The following CAD variants were observed in gnomAD, a reference collection of about 807,000 sequenced individuals.
The protein encoded by CAD is multifunctional protein CAD.
In CAD, 81 loss-of-function variants were observed where a neutral mutation model predicts 237.2. The observed-to-expected ratio is 0.34, with a 90% CI of 0.29 to 0.41. CAD has a LOEUF of 0.41. CAD is among the 10% of genes least tolerant of loss of function. CAD has a pLI of 1.00. For synonymous variants in CAD, 1,196 were observed against 1,162.8 expected (o/e 1.03, Z -0.58); for missense variants, 2,181 against 2,951.7 (o/e 0.74, Z 6.05).
Position 27,234,200 on chromosome 2 carries a change from C to A in CAD, c.3592C>A (p.Pro1198Thr). Reference sequence around the variant, plus strand: ...GGGCCAGGAGCTACAGGTCACAGGACCCTTCAATCTGCAGCTCATTGCCAA... The same window carrying A: ...GGGCCAGGAGCTACAGGTCACAGGAACCTTCAATCTGCAGCTCATTGCCAA... ...AVGQELQVTG[P>T]FNLQLIAKDD... The change falls in exon 22 of 44, where the codon CCC (proline) becomes ACC (threonine). Residue 1198 changes from proline to threonine, a missense_variant. Physicochemically the swap from Pro to Thr is conservative, Grantham distance 38. Transcript: ENST00000264705. The A allele has an allele frequency of 6.2e-7, 1 of 1,614,154 alleles. No individual in the cohort carries two copies. The highest frequency in any genetic ancestry group is 8.5e-7 in the Non-Finnish European group (1 of 1,179,974).
chr2:27,232,511 T>C lies in CAD; in HGVS notation c.2709T>C (p.Ile903=), dbSNP rs1324336515. The change falls in exon 18 of 44, where the codon ATT becomes ATC. Residue 903 remains isoleucine, a synonymous_variant. Transcript: ENST00000264705. The surrounding 1 kb of genome is among the most constrained non-coding windows in gnomAD (Gnocchi z 4.1). The stretch of plus-strand genomic sequence containing the variant: ...GGATCTGTCCAGCAGTGAAACAGAT[T>C]GACACAGTTGCAGCTGAGTGGCCAG... The part of the protein sequence containing the change: ...ELGICPAVKQ[I]DTVAAEWPAQ... 6.2e-7 allele frequency: 1 copy of C among 1,614,098 alleles called. No homozygotes were observed. Among genetic ancestry groups the C allele is most frequent in the African/African-American group, 1.3e-5 (1 of 74,938 alleles).
chr2:27,217,696 C>A, intron 1 of CAD, 63 bp downstream of exon 1: 3 of 1,461,774 alleles, frequency 2.1e-6, no homozygotes, highest in South Asian at 1.3e-5. Flanking sequence ...TCCTCCCAAC[C>A]TTCCCCGTCC....
chr2:27,238,360 G>A, intron 30 of CAD, 71 bp from the exon 31 acceptor site: 3 of 1,475,442 alleles, frequency 2.0e-6, no homozygotes, highest in Non-Finnish European at 2.8e-6. Context: ...CAGGGATGTT[G>A]GCCATTGGGA....
intron 15 of CAD, among the ~76,000 whole-genome samples, chr2:27,228,324 A>G (rs911548852): frequency 2.0e-5 from 3 of 152,260 alleles, no homozygotes; most frequent in East Asian, 1.9e-4. Flanking sequence ...ATTATGAAGC[A>G]CAGACTTCTA....
Position 27,235,142 on chromosome 2 carries a change from C to T in CAD, c.3787-103C>T. On this transcript the variant is annotated intron_variant, in intron 23 of 43. Coordinates refer to ENST00000264705, the MANE Select transcript of CAD (RefSeq NM_004341.5). The surrounding 1 kb of genome is among the most constrained non-coding windows in gnomAD (Gnocchi z 5.2). Reference sequence around the variant, plus strand: ...ACACAGAGAGGGCAGGCTGACCCTGCCATTCAGATGGGATCAAGCACAGGG... The same window carrying T: ...ACACAGAGAGGGCAGGCTGACCCTGTCATTCAGATGGGATCAAGCACAGGG... 1 of 1,080,228 alleles carries T rather than the reference C, an allele frequency of 9.3e-7. No individual in the cohort carries two copies. 66.9% of individuals were successfully genotyped at this position (1,080,228 alleles called of 1,614,324 possible). A position where few individuals can be genotyped will look rare whatever the true frequency, so the allele number is the denominator to read the frequency against.
chr2:27,224,281 A>G (rs1224438705), intron 8 of CAD, 64 bp from the exon 9 acceptor site: 1 of 1,569,380 alleles, frequency 6.4e-7, no homozygotes, highest in Non-Finnish European at 8.8e-7. Context: ...CGAGGGAGCT[A>G]ATCCAGTTGA....
rs1676255178 is a variant in CAD, at chr2:27,240,374, T to C, written c.5593+13T>C. 1.2e-6 allele frequency: 2 copies of C among 1,611,172 alleles called. No individual in the cohort carries two copies. ...CCAGGTTTGCCAGGTAAGAGTGGGGTTCCTGTGACTCAGAGACTGTGTAGG... is the reference window on the plus strand; with the variant it reads ...CCAGGTTTGCCAGGTAAGAGTGGGGCTCCTGTGACTCAGAGACTGTGTAGG... On this transcript the variant is annotated intron_variant, in intron 35 of 43. Transcript: ENST00000264705. This position sits in a 1 kb window ranked among gnomAD's most constrained non-coding sequence, Gnocchi z 4.6.
chr2:27,236,598 G>A lies in CAD; in HGVS notation c.4314+75G>A. 1 of 1,585,756 alleles carries A rather than the reference G, an allele frequency of 6.3e-7. No individual in the cohort carries two copies. The highest frequency in any genetic ancestry group is 8.6e-7 in the Non-Finnish European group (1 of 1,161,458). ...GAAGAAAGAGGGAGGAGTGAGTATG[G>A]AACAGCCATGCTAGTAATAAAGCTT... On this transcript the variant is annotated intron_variant, in intron 26 of 43. Coordinates refer to ENST00000264705, the MANE Select transcript of CAD (RefSeq NM_004341.5). This position sits in a 1 kb window ranked among gnomAD's most constrained non-coding sequence, Gnocchi z 4.1.
Position 27,242,202 on chromosome 2 carries a change from T to C in CAD, c.6096+79T>C, listed in dbSNP as rs866552228. The C allele has an allele frequency of 1.9e-6, 3 of 1,587,046 alleles. No individual in the cohort carries two copies. In the Middle Eastern group the frequency reaches 5.7e-4, roughly 302 times the overall value. ...TGAGAACCCTTCTGCCCACGTTTTC[T>C]GTGTTTTGGGCCAGATGAGTGAGGG... On this transcript the variant is annotated intron_variant, in intron 39 of 43. Coordinates refer to ENST00000264705, the MANE Select transcript of CAD (RefSeq NM_004341.5). This position sits in a 1 kb window ranked among gnomAD's most constrained non-coding sequence, Gnocchi z 6.4.
At chr2:27,231,219 G>A (rs1163575970) in intron 15 of CAD, among the ~76,000 whole-genome samples, 1 of 152,174 alleles carries the variant, frequency 6.6e-6, no homozygotes, top group Non-Finnish European at 1.5e-5. Flanking sequence ...TGTTAGCCAG[G>A]ATGGTCTCGA....
intron 6 of CAD, among the ~76,000 whole-genome samples, chr2:27,223,299 C>T (rs892590434): frequency 2.0e-5 from 3 of 152,090 alleles, no homozygotes; most frequent in African/African-American, 4.8e-5. Flanking sequence ...GCCATGGTGG[C>T]GTGCGCCTGT....
chr2:27,232,007 A>G lies in CAD; in HGVS notation c.2428A>G (p.Ile810Val). The G allele has an allele frequency of 6.2e-7, 1 of 1,614,140 alleles. No homozygotes were observed. Among genetic ancestry groups the G allele is most frequent in the African/African-American group, 1.3e-5 (1 of 75,014 alleles). The change falls in exon 17 of 44, where the codon ATT (isoleucine) becomes GTT (valine). Residue 810 changes from isoleucine (I) to valine (V), a missense_variant. Coordinates refer to ENST00000264705, the MANE Select transcript of CAD (RefSeq NM_004341.5). This position sits in a 1 kb window ranked among gnomAD's most constrained non-coding sequence, Gnocchi z 4.1. ...GTTGGAGACTCCAACAGATAAGCGG[A>G]TTTTTGTGGTGGCAGCTGCTTTGTG... ...MELETPTDKR[I>V]FVVAAALWAG...
intron 31 of CAD, among the ~76,000 whole-genome samples, 193 bp downstream of exon 31, chr2:27,238,825 G>C (rs528559578): frequency 6.6e-6 from 1 of 152,346 alleles, no homozygotes; most frequent in Non-Finnish European, 1.5e-5. Context: ...GAATGAGCCA[G>C]TGAGTAGAAC....
At chr2:27,225,520 G>A (rs1159249086) in intron 11 of CAD, among the ~76,000 whole-genome samples, 185 bp from the exon 12 acceptor site, 4 of 150,168 alleles carry the variant, frequency 2.7e-5, no homozygotes, top group South Asian at 4.2e-4. Context: ...TGGTCAGGCT[G>A]ATCTCGAACT....
chr2:27,231,905 C>T, intron 16 of CAD, 75 bp from the exon 17 acceptor site: 2 of 1,570,888 alleles, frequency 1.3e-6, no homozygotes, highest in Non-Finnish European at 1.7e-6. Flanking sequence ...CTTCCTGAGA[C>T]AAGAGCAGCT....
Position 27,241,777 on chromosome 2 carries a change from G to A in CAD, c.5884-134G>A. On this transcript the variant is annotated intron_variant, in intron 38 of 43. Coordinates refer to ENST00000264705, the MANE Select transcript of CAD (RefSeq NM_004341.5). This position sits in a 1 kb window ranked among gnomAD's most constrained non-coding sequence, Gnocchi z 4.6. ...TGGTGGAAACGTCAAGGCTCTGACA[G>A]GTCACAGGGGAGGTTTGGGTGCAGA... The A allele has an allele frequency of 1.5e-6, 1 of 676,418 alleles. No homozygotes were observed. Among genetic ancestry groups the A allele is most frequent in the South Asian group, 1.8e-5 (1 of 54,566 alleles). 41.9% of individuals were successfully genotyped at this position (676,418 alleles called of 1,614,324 possible).
chr2:27,227,992 T>C (rs1173987438), intron 15 of CAD, among the ~76,000 whole-genome samples: 2 of 152,246 alleles, frequency 1.3e-5, no homozygotes, highest in East Asian at 3.8e-4. Context: ...TCTCCTTTTT[T>C]AACAAATCTC....
chr2:27,243,390 C>CTTTTTTT lies in CAD; in HGVS notation c.6576-11_6576-5dup, dbSNP rs5830040. ...TCCATGGGCTGCACGATAACACTTC[C>CTTTTTTT]TTTTTTTTTTTTTTTTTTTTTGCAG... On this transcript the variant is annotated intron_variant, in intron 43 of 43. Transcript: ENST00000264705. 28 of 1,378,796 alleles carry CTTTTTTT rather than the reference C, an allele frequency of 2.0e-5. 1 individual carries two copies. Among genetic ancestry groups the CTTTTTTT allele is most frequent in the Admixed American group, 4.3e-5 (2 of 46,258 alleles). The allele number at this position is 1,378,796 out of a possible 1,614,324, so 85.4% of individuals were successfully genotyped here.
At chr2:27,230,337 A>T (rs988366107) in intron 15 of CAD, among the ~76,000 whole-genome samples, 1 of 151,620 alleles carries the variant, frequency 6.6e-6, no homozygotes, top group East Asian at 1.9e-4. Context: ...TGCTGTGATG[A>T]TATGTAAAAC....
Sources: gnomAD v4.1 joint callset for allele counts (sites outside exome capture counted in the v4.1 genomes callset) on GRCh38, gnomAD v4.1.1 for gene constraint, Gnocchi (gnomAD v3.1) non-coding constraint, MANE v1.5 for transcripts, NCBI Gene and HGNC (gene_info 2026-07-23, HGNC 2026-07-21) for gene names.